Variants in CNTN5 observed in about 807,000 individuals in gnomAD.
CNTN5 encodes the protein contactin-5.
CNTN5 carries 77 observed loss-of-function variants against 129.1 expected under a neutral mutation model. The ratio of observed to expected loss-of-function variants is 0.60; its 90% CI spans 0.50 to 0.72. The LOEUF (loss-of-function observed/expected upper bound fraction) is 0.72, where lower values mean the gene tolerates loss of function less well. Among genes scored for constraint, CNTN5 ranks in the 30% least tolerant of loss-of-function variants. The pLI, the probability that CNTN5 is intolerant of heterozygous loss-of-function variation, is 0.00. For missense variants in CNTN5, 1,478 were observed against 1,328.8 expected (o/e 1.11, Z -1.75); for synonymous variants, 509 against 465.6 (o/e 1.09, Z -1.20).
intron 3 of CNTN5, among the ~76,000 whole-genome samples, chr11:99,664,121 T>G (rs370071541): frequency 2.6e-5 from 4 of 152,170 alleles, no homozygotes; most frequent in African/African-American, 9.6e-5. Context: ...CCTTATGTCT[T>G]TCAGTTTGTA....
intron 7 of CNTN5, among the ~76,000 whole-genome samples, chr11:99,941,587 A>C (rs924217626): frequency 1.6e-4 from 10 of 64,430 alleles, no homozygotes; most frequent in Admixed American, 4.3e-4. Context: ...CACACACACA[A>C]AGAGAAAGAG....
intron 20 of CNTN5, among the ~76,000 whole-genome samples, chr11:100,301,279 G>T (rs1479722277): frequency 1.3e-5 from 2 of 151,572 alleles, no homozygotes; most frequent in African/African-American, 4.8e-5. Flanking sequence ...TAACAACAGT[G>T]CTGCCTTTAA....
At chr11:99,241,841 C>T (rs1669478393) in intron 1 of CNTN5, among the ~76,000 whole-genome samples, 2 of 152,116 alleles carry the variant, frequency 1.3e-5, no homozygotes, top group South Asian at 4.1e-4. Flanking sequence ...TTTCAAGATA[C>T]TGCAGTTAAA....
At chr11:99,815,860 T>C (rs1591240844) in intron 3 of CNTN5, among the ~76,000 whole-genome samples, 1 of 152,198 alleles carries the variant, frequency 6.6e-6, no homozygotes, top group African/African-American at 2.4e-5. Context: ...TCTTTTTGTC[T>C]AGGATCCCAA....
chr11:100,279,848 C>T (rs1950595425), intron 18 of CNTN5, among the ~76,000 whole-genome samples: 1 of 146,146 alleles, frequency 6.8e-6, no homozygotes. Flanking sequence ...GTTTGGTTTA[C>T]TCTTGCTTTT....
chr11:100,250,056 G>A (rs1949932899), intron 16 of CNTN5, among the ~76,000 whole-genome samples: 1 of 151,918 alleles, frequency 6.6e-6, no homozygotes, highest in South Asian at 2.1e-4. Flanking sequence ...AAGTATTTCA[G>A]ATTTACCATC....
At chr11:99,511,428 TC>T (rs1319310471) in intron 2 of CNTN5, among the ~76,000 whole-genome samples, 1 of 152,028 alleles carries the variant, frequency 6.6e-6, no homozygotes. Context: ...TAATTTCTGT[TC>T]TTTTACATTT....
At chr11:99,442,671 A>G (rs1943886709) in intron 2 of CNTN5, among the ~76,000 whole-genome samples, 1 of 152,258 alleles carries the variant, frequency 6.6e-6, no homozygotes, top group South Asian at 2.1e-4. Context: ...TAGAACAAAG[A>G]CATATAAAAC....
At chr11:100,202,507 C>T (rs1162873134) in intron 15 of CNTN5, among the ~76,000 whole-genome samples, 1 of 150,390 alleles carries the variant, frequency 6.6e-6, no homozygotes, top group Non-Finnish European at 1.5e-5. Context: ...TGCCCCTTTG[C>T]CAGAAAACAT....
chr11:99,233,675 C>T lies in CNTN5; in HGVS notation c.-209-91671C>T, dbSNP rs534491762. Among the ~76,000 whole-genome samples the T allele has an allele frequency of 8.5e-5, 13 of 152,202 alleles. 1 individual carries two copies. The highest frequency in any genetic ancestry group is 4.1e-4 in the South Asian group (2 of 4,824). On this transcript the variant is annotated intron_variant, in intron 1 of 24. Transcript: ENST00000524871. ...TAAATAATTTGTTTTAGGCCGGATG[C>T]GGTGGCTCACGCCTGTAATCCCAGC... is the stretch of plus-strand genomic sequence containing the variant.
chr11:99,160,028 CTG>C (rs1301853612), intron 1 of CNTN5, among the ~76,000 whole-genome samples: 1 of 152,072 alleles, frequency 6.6e-6, no homozygotes. Flanking sequence ...AGAGTAGTCT[CTG>C]TGTTCATGAG....
At chr11:99,185,670 A>G (rs1411168038) in intron 1 of CNTN5, among the ~76,000 whole-genome samples, 1 of 151,820 alleles carries the variant, frequency 6.6e-6, no homozygotes, top group Admixed American at 6.6e-5. Context: ...AAAAGTTTCA[A>G]TAACTAGACA....
intron 2 of CNTN5, among the ~76,000 whole-genome samples, chr11:99,500,199 G>A (rs2135380028): frequency 6.6e-6 from 1 of 152,284 alleles, no homozygotes; most frequent in Middle Eastern, 3.4e-3. Context: ...GCCACTGAAA[G>A]TATTACAAAT....
chr11:100,244,789 C>T (rs1347750663), intron 16 of CNTN5, among the ~76,000 whole-genome samples: 1 of 151,990 alleles, frequency 6.6e-6, no homozygotes, highest in Admixed American at 6.6e-5. Context: ...AATTTTACTG[C>T]ATATTTTGTT....
chr11:99,671,495 A>G (rs570813567), intron 3 of CNTN5, among the ~76,000 whole-genome samples: 2 of 152,164 alleles, frequency 1.3e-5, no homozygotes, highest in African/African-American at 4.8e-5. Context: ...AACACATGCA[A>G]ATAGCAAATG....
rs988831923 is a variant in CNTN5, at chr11:99,585,101, A to C, written c.55+28832A>C. ...ACATATTTTCCAAATGACCAAACACACAGTGTTACAAAATCACACATGGAT... is the reference window on the plus strand; with the variant it reads ...ACATATTTTCCAAATGACCAAACACCCAGTGTTACAAAATCACACATGGAT... On this transcript the variant is annotated intron_variant, in intron 3 of 24. Transcript: ENST00000524871. 2.6e-5 allele frequency among the ~76,000 whole-genome samples: 4 copies of C among 152,244 alleles called. No individual in the cohort carries two copies. In the East Asian group the frequency reaches 7.7e-4, roughly 29 times the overall value.
chr11:99,579,926 C>T (rs1224151039), intron 3 of CNTN5, among the ~76,000 whole-genome samples: 2 of 150,076 alleles, frequency 1.3e-5, no homozygotes, highest in African/African-American at 4.9e-5. Flanking sequence ...AAAGAGAATG[C>T]TTCCAGTTTT....
At chr11:99,546,773 T>G (rs1175359169) in intron 2 of CNTN5, among the ~76,000 whole-genome samples, 1 of 152,112 alleles carries the variant, frequency 6.6e-6, no homozygotes, top group African/African-American at 2.4e-5. Context: ...CTCCTACCAC[T>G]TACTCCTGGG....
intron 4 of CNTN5, among the ~76,000 whole-genome samples, chr11:99,822,822 G>A (rs1946842105): frequency 6.6e-6 from 1 of 152,176 alleles, no homozygotes; most frequent in South Asian, 2.1e-4. Context: ...CTTGCCTCTG[G>A]AGAATAGATT....
Sources: allele counts gnomAD v4.1 joint callset (sites outside exome capture counted in the v4.1 genomes callset), GRCh38; gene constraint gnomAD v4.1.1; transcripts MANE v1.5; gene names NCBI Gene and HGNC (gene_info 2026-07-23, HGNC 2026-07-21).